Variants in QKI observed in about 807,000 individuals in gnomAD.
The protein encoded by QKI is KH domain-containing RNA-binding protein QKI.
QKI carries 10 observed loss-of-function variants against 39.0 expected under a neutral mutation model. The observed-to-expected ratio is 0.26, with a 90% CI of 0.16 to 0.43. The LOEUF is 0.43. QKI is among the 20% of genes least tolerant of loss of function. The pLI is 1.00. For missense variants in QKI, 218 were observed against 428.0 expected, an observed-to-expected ratio of 0.51 and a Z score of 4.33; for synonymous variants, 204 against 155.4, an observed-to-expected ratio of 1.31 and a Z score of -2.33.
chr6:163,570,987 A>G lies in QKI; in HGVS notation c.*277A>G, dbSNP rs898704918. 4 of 311,058 alleles carry G rather than the reference A, an allele frequency of 1.3e-5. No homozygotes were observed. Among genetic ancestry groups the G allele is most frequent in the African/African-American group, 8.7e-5 (4 of 46,082 alleles). 19.3% of individuals were successfully genotyped at this position (311,058 alleles called of 1,614,324 possible). On this transcript the variant is annotated 3_prime_UTR_variant, in exon 8 of 8. Transcript: ENST00000361752. ...AATAAGGCCCAATTCATCCCACAGC[A>G]CTGATCATCTTTTAATATCCCACCC...
chr6:163,456,905 A>G lies in QKI; in HGVS notation c.285+1484A>G, dbSNP rs144056085. On this transcript the variant is annotated intron_variant, in intron 2 of 7. Transcript: ENST00000361752. Reference sequence around the variant, plus strand: ...ACATAACTTGGCATTGGTGCCTCCCAGACTTTATCTTTAAAATTCAGATTC... The same window carrying G: ...ACATAACTTGGCATTGGTGCCTCCCGGACTTTATCTTTAAAATTCAGATTC... Among the ~76,000 whole-genome samples, 221 of 152,278 alleles carry G rather than the reference A, an allele frequency of 1.5e-3. 1 individual carries two copies. Among genetic ancestry groups the G allele is most frequent in the African/African-American group, 5.0e-3 (207 of 41,556 alleles).
At chr6:163,514,657 G>GA (rs1410991786) in intron 3 of QKI, among the ~76,000 whole-genome samples, 1 of 152,294 alleles carries the variant, frequency 6.6e-6, no homozygotes, top group Admixed American at 6.5e-5. Flanking sequence ...ATTGTGGAAA[G>GA]AAAGAGGTAG....
At chr6:163,448,209 A>T (rs1304641327) in intron 1 of QKI, among the ~76,000 whole-genome samples, 2 of 152,190 alleles carry the variant, frequency 1.3e-5, no homozygotes, top group Non-Finnish European at 2.9e-5. Flanking sequence ...TAGTTTTGGT[A>T]GTACAAAGAG....
At chr6:163,433,305 G>A (rs990220100) in intron 1 of QKI, among the ~76,000 whole-genome samples, 4 of 152,162 alleles carry the variant, frequency 2.6e-5, no homozygotes, top group African/African-American at 9.7e-5. Context: ...AGCCTGAGAA[G>A]GGGGAAGGAG....
At chr6:163,532,933 T>G (rs1780952754) in intron 3 of QKI, among the ~76,000 whole-genome samples, 2 of 152,174 alleles carry the variant, frequency 1.3e-5, no homozygotes, top group Non-Finnish European at 2.9e-5. Context: ...TCATTTGTCC[T>G]TAGTTGTCTG....
Position 163,563,707 on chromosome 6 carries a change from A to G in QKI, c.922A>G (p.Ser308Gly). 1 of 1,613,674 alleles carries G rather than the reference A, an allele frequency of 6.2e-7. No individual in the cohort carries two copies. Among genetic ancestry groups the G allele is most frequent in the Non-Finnish European group, 8.5e-7 (1 of 1,179,644 alleles). ...TSILEYPIEP[S>G]GVLGAVATKV... ...AATCCTTGAGTATCCTATTGAACCT[A>G]GTGGTGTATTAGGTAAGTTCTTCTC... The change falls in exon 6 of 8, where the codon AGT (serine) becomes GGT (glycine). Residue 308 changes from serine to glycine, a missense_variant. Transcript: ENST00000361752.
intron 1 of QKI, among the ~76,000 whole-genome samples, chr6:163,445,125 A>G (rs1232472818): frequency 6.6e-6 from 1 of 152,180 alleles, no homozygotes; most frequent in Non-Finnish European, 1.5e-5. Flanking sequence ...TTAAATTGTA[A>G]TTCTTTATTT....
At chr6:163,438,355 GA>G (rs35161044) in intron 1 of QKI, among the ~76,000 whole-genome samples, 4,237 of 152,142 alleles carry the variant, frequency 0.028, 193 homozygotes, top group African/African-American at 0.096. Flanking sequence ...ATTTTAAAGA[GA>G]AAGATATATA....
chr6:163,535,793 G>A (rs549575486), intron 4 of QKI, among the ~76,000 whole-genome samples: 6 of 152,170 alleles, frequency 3.9e-5, no homozygotes, highest in Admixed American at 3.3e-4. Flanking sequence ...TAAGTCGGGC[G>A]TGATGGCAGG....
intron 6 of QKI, chr6:163,564,600 G>T (rs1437402653): frequency 6.2e-7 from 1 of 1,609,690 alleles, no homozygotes; most frequent in East Asian, 2.2e-5. Flanking sequence ...TAATATAAAC[G>T]CTTGGTTTTA....
chr6:163,562,227 C>T (rs1264412610), intron 5 of QKI, among the ~76,000 whole-genome samples, 158 bp downstream of exon 5: 1 of 152,152 alleles, frequency 6.6e-6, no homozygotes, highest in African/African-American at 2.4e-5. Flanking sequence ...ATTTTTAATG[C>T]TTTCATGAAT....
intron 2 of QKI, among the ~76,000 whole-genome samples, chr6:163,466,072 A>AGCCGAGATCACATCACT: frequency 6.6e-6 from 1 of 151,468 alleles, no homozygotes; most frequent in Non-Finnish European, 1.5e-5. Context: ...GGCTGCAGTG[A>AGCCGAGATCACATCACT]GCCGAGATCA....
chr6:163,454,861 G>C (rs532737934), intron 1 of QKI, among the ~76,000 whole-genome samples: 1 of 152,004 alleles, frequency 6.6e-6, no homozygotes, highest in Non-Finnish European at 1.5e-5. Context: ...AATATCCTTC[G>C]GACAAATTAG....
Position 163,455,316 on chromosome 6 carries a change from A to C in QKI, c.180A>C (p.Thr60=). The C allele has an allele frequency of 6.2e-7, 1 of 1,613,410 alleles. No homozygotes were observed. The highest frequency in any genetic ancestry group is 8.5e-7 in the Non-Finnish European group (1 of 1,179,468). ...SRVRKDMYND[T]LNGSTEKRSA... is the part of the protein sequence containing the mutation. Reference sequence around the variant, plus strand: ...TACGGAAAGACATGTACAATGACACATTAAATGGCAGTACAGAGAAAAGGA... The same window carrying C: ...TACGGAAAGACATGTACAATGACACCTTAAATGGCAGTACAGAGAAAAGGA... Residue 60 remains threonine, a synonymous_variant, in exon 2 of 8, where the codon ACA becomes ACC. Transcript: ENST00000361752.
Position 163,572,562 on chromosome 6 carries a change from T to G in QKI, c.*1852T>G, listed in dbSNP as rs997141891. ...CTAATTTCTCAAGAAGTTGAAACAG[T>G]TAGTTATGTAGTTGAAGCAATTTGT... On this transcript the variant is annotated 3_prime_UTR_variant, in exon 8 of 8. Transcript: ENST00000361752. 1 of 151,744 alleles carries G rather than the reference T, an allele frequency of 6.6e-6. No individual in the cohort carries two copies. The highest frequency in any genetic ancestry group is 6.6e-5 in the Admixed American group (1 of 15,196). 9.4% of individuals were successfully genotyped at this position (151,744 alleles called of 1,614,324 possible). A position where few individuals can be genotyped will look rare whatever the true frequency, so the allele number is the denominator to read the frequency against.
chr6:163,570,045 C>G, intron 7 of QKI: 1 of 986,272 alleles, frequency 1.0e-6, no homozygotes, highest in Non-Finnish European at 1.2e-6. Flanking sequence ...CACTGCTAGA[C>G]TACAGTTTAG....
At chr6:163,553,989 T>C (rs1782425585) in intron 4 of QKI, among the ~76,000 whole-genome samples, 1 of 152,154 alleles carries the variant, frequency 6.6e-6, no homozygotes, top group African/African-American at 2.4e-5. Context: ...AGACAGGCTG[T>C]AATACAGATT....
chr6:163,473,698 C>T (rs1792372496), intron 2 of QKI, among the ~76,000 whole-genome samples: 1 of 152,116 alleles, frequency 6.6e-6, no homozygotes, highest in Non-Finnish European at 1.5e-5. Flanking sequence ...TAATTTAAAA[C>T]TTTCTGTAGT....
At chr6:163,488,052 G>GCC (rs1290146213) in intron 3 of QKI, among the ~76,000 whole-genome samples, 3 of 152,004 alleles carry the variant, frequency 2.0e-5, no homozygotes, top group African/African-American at 4.8e-5. Flanking sequence ...GTGTTTCCCT[G>GCC]CCCCCCGCCT....
Sources: gnomAD v4.1 joint callset for allele counts (sites outside exome capture counted in the v4.1 genomes callset) on GRCh38, gnomAD v4.1.1 for gene constraint, MANE v1.5 for transcripts, NCBI Gene and HGNC (gene_info 2026-07-23, HGNC 2026-07-21) for gene names.